ANO6: variants seen among roughly 807,000 people sequenced by gnomAD.
ANO6 encodes the protein anoctamin 6.
Under a neutral mutation model 117.5 loss-of-function variants are expected in ANO6, and 106 were observed. The observed-to-expected ratio is 0.90, with a 90% CI of 0.77 to 1.06. The LOEUF is 1.06. Among genes scored for constraint, ANO6 ranks in the 50% least tolerant of loss-of-function variants. The probability of loss-of-function intolerance (pLI) is 0.00; values close to 1 mark genes in which losing one functional copy is unlikely to be tolerated. For synonymous variants in ANO6, 367 were observed against 385.1 expected (o/e 0.95, Z 0.55); for missense variants, 955 against 1,121.1 (o/e 0.85, Z 2.12).
Position 45,359,080 on chromosome 12 carries a change from G to A in ANO6, c.998+1656G>A, listed in dbSNP as rs1245635213. On this transcript the variant is annotated intron_variant, in intron 8 of 19. Coordinates refer to ENST00000320560, the MANE Select transcript of ANO6 (RefSeq NM_001025356.3). ...ATTACAGGCGTGAGCCACTGTGCCCGGTCCTTATGCCCCCTTTTAAAAATA... is the reference window on the plus strand; with the variant it reads ...ATTACAGGCGTGAGCCACTGTGCCCAGTCCTTATGCCCCCTTTTAAAAATA... Among the ~76,000 whole-genome samples the A allele has an allele frequency of 5.3e-5, 8 of 152,210 alleles. No individual in the cohort carries two copies. The East Asian group carries it at 9.7e-4, about 18-fold the overall frequency.
chr12:45,262,668 C>T (rs1938079423), intron 1 of ANO6, among the ~76,000 whole-genome samples: 1 of 152,168 alleles, frequency 6.6e-6, no homozygotes, highest in Admixed American at 6.5e-5. Flanking sequence ...AGGTGATCTG[C>T]CCGGCTCGGC....
In ANO6 at chr12:45,378,126, T is replaced by G; in HGVS notation, c.1165+13T>G. The G allele has an allele frequency of 6.2e-7, 1 of 1,608,070 alleles. No homozygotes were observed. Among genetic ancestry groups the G allele is most frequent in the Non-Finnish European group, 8.5e-7 (1 of 1,178,044 alleles). On this transcript the variant is annotated intron_variant, in intron 10 of 19. Coordinates refer to ENST00000320560, the MANE Select transcript of ANO6 (RefSeq NM_001025356.3). ...ATGGGAGTATGGGGTAAGTTTTTTT[T>G]TTTTTTTTCATGCACTCAATTTGAT...
intron 9 of ANO6, among the ~76,000 whole-genome samples, chr12:45,377,298 G>A (rs12313889): frequency 0.014 from 2,071 of 151,992 alleles, 49 homozygotes; most frequent in African/African-American, 0.048. Context: ...AATTAGTAAC[G>A]AATTAAAATA....
intron 3 of ANO6, among the ~76,000 whole-genome samples, chr12:45,338,237 G>T (rs1940882132): frequency 6.6e-6 from 1 of 152,046 alleles, no homozygotes; most frequent in African/African-American, 2.4e-5. Context: ...TGGTAGGAAA[G>T]ATCCTCCTGA....
chr12:45,219,937 G>T (rs1947371364), intron 1 of ANO6, among the ~76,000 whole-genome samples: 1 of 152,254 alleles, frequency 6.6e-6, no homozygotes, highest in East Asian at 1.9e-4. Flanking sequence ...ATCACATATT[G>T]TTGCAAGCCC....
Position 45,409,581 on chromosome 12 carries a change from G to C in ANO6, c.2011+94G>C, listed in dbSNP as rs1288293829. On this transcript the variant is annotated intron_variant, in intron 16 of 19. Coordinates refer to ENST00000320560, the MANE Select transcript of ANO6 (RefSeq NM_001025356.3). Reference sequence around the variant, plus strand: ...TGTTATTGAGCCATATTAACATTTAGCATATTGAAATGAAGAAGAGTATGT... The same window carrying C: ...TGTTATTGAGCCATATTAACATTTACCATATTGAAATGAAGAAGAGTATGT... 4.3e-6 allele frequency: 6 copies of C among 1,410,956 alleles called. No individual in the cohort carries two copies. In the East Asian group the frequency reaches 1.4e-4, roughly 33 times the overall value. The allele number at this position is 1,410,956 out of a possible 1,614,324, so 87.4% of individuals were successfully genotyped here. A position where few individuals can be genotyped will look rare whatever the true frequency, so the allele number is the denominator to read the frequency against.
At chr12:45,416,200 CAG>C (rs1036691120) in intron 16 of ANO6, among the ~76,000 whole-genome samples, 3 of 152,206 alleles carry the variant, frequency 2.0e-5, no homozygotes, top group Admixed American at 6.5e-5. Context: ...TTTGCAGACT[CAG>C]GGGAGCTCAC....
intron 1 of ANO6, among the ~76,000 whole-genome samples, chr12:45,222,661 C>T (rs540652262): frequency 6.6e-6 from 1 of 152,308 alleles, no homozygotes; most frequent in South Asian, 2.1e-4. Context: ...CCTATTTTTA[C>T]CTTTGTCTCT....
intron 7 of ANO6, among the ~76,000 whole-genome samples, chr12:45,354,796 T>C (rs1941369196): frequency 6.6e-6 from 1 of 152,242 alleles, no homozygotes; most frequent in South Asian, 2.1e-4. Flanking sequence ...CAGCTGTGAA[T>C]AGTGTTTATA....
At chr12:45,361,674 G>A (rs1941559112) in intron 8 of ANO6, among the ~76,000 whole-genome samples, 1 of 152,046 alleles carries the variant, frequency 6.6e-6, no homozygotes, top group African/African-American at 2.4e-5. Flanking sequence ...TCTATTCCTA[G>A]TTTATGAGTG....
rs1407190420 is a variant in ANO6, at chr12:45,401,715, G to C, written c.1387-80G>C. The C allele has an allele frequency of 2.7e-6, 3 of 1,120,294 alleles. No homozygotes were observed. The African/African-American group carries it at 4.6e-5, about 17-fold the overall frequency. The allele number at this position is 1,120,294 out of a possible 1,614,324, so 69.4% of individuals were successfully genotyped here. The stretch of plus-strand genomic sequence containing the variant: ...TTACATCACTTTACACACACACCTT[G>C]TTAAGTGTGAGTTCAGTTTTTAATA... On this transcript the variant is annotated intron_variant, in intron 12 of 19. Transcript: ENST00000320560.
chr12:45,373,180 C>A (rs1045666074), intron 9 of ANO6, among the ~76,000 whole-genome samples: 1 of 152,168 alleles, frequency 6.6e-6, no homozygotes, highest in African/African-American at 2.4e-5. Context: ...AATATATATG[C>A]ACCCAGTACA....
At chr12:45,412,678 AG>A (rs1276633886) in intron 16 of ANO6, among the ~76,000 whole-genome samples, 4 of 152,186 alleles carry the variant, frequency 2.6e-5, no homozygotes, top group African/African-American at 9.7e-5. Flanking sequence ...GAGGATTTGC[AG>A]TCCTCCAGCT....
chr12:45,267,360 C>A lies in ANO6; in HGVS notation c.71-34654C>A, dbSNP rs560816139. ...GTCTGATTGGATTAGGGCACACTCT[C>A]ACACTCTCATTTTCAACTTAATCAC... On this transcript the variant is annotated intron_variant, in intron 1 of 19. Coordinates refer to ENST00000320560, the MANE Select transcript of ANO6 (RefSeq NM_001025356.3). 5.9e-5 allele frequency among the ~76,000 whole-genome samples: 9 copies of A among 152,312 alleles called. No homozygotes were observed. The East Asian group carries it at 1.5e-3, about 26-fold the overall frequency.
At chr12:45,372,249 A>G (rs1161786629) in intron 9 of ANO6, among the ~76,000 whole-genome samples, 1,848 of 147,258 alleles carry the variant, frequency 0.013, 20 homozygotes, top group South Asian at 0.023. Context: ...TGTACCTGAA[A>G]GTGATGGGGA....
intron 1 of ANO6, among the ~76,000 whole-genome samples, chr12:45,232,745 C>G (rs1356796957): frequency 6.6e-6 from 1 of 152,174 alleles, no homozygotes; most frequent in Non-Finnish European, 1.5e-5. Flanking sequence ...GCTAGTGGTT[C>G]CAGTGCCCCT....
intron 2 of ANO6, among the ~76,000 whole-genome samples, chr12:45,309,879 C>T (rs1481586387): frequency 6.6e-6 from 1 of 151,898 alleles, no homozygotes; most frequent in African/African-American, 2.4e-5. Flanking sequence ...AGAAACTCAA[C>T]CAAAAAAGAA....
chr12:45,265,002 C>T (rs1209738412), intron 1 of ANO6, among the ~76,000 whole-genome samples: 1 of 152,118 alleles, frequency 6.6e-6, no homozygotes, highest in Non-Finnish European at 1.5e-5. Flanking sequence ...AGTTATCAGG[C>T]TCTGTCATTT....
chr12:45,269,768 C>T lies in ANO6; in HGVS notation c.71-32246C>T, dbSNP rs544854873. ...GGCATTTCCCACTGGTTGATGCACA[C>T]AGCCATGTGTGGTACAGTCCCGTTT... On this transcript the variant is annotated intron_variant, in intron 1 of 19. Transcript: ENST00000320560. 2.6e-4 allele frequency among the ~76,000 whole-genome samples: 40 copies of T among 152,350 alleles called. No homozygotes were observed. In the South Asian group the frequency reaches 7.7e-3, roughly 29 times the overall value.
Sources: allele counts gnomAD v4.1 joint callset (sites outside exome capture counted in the v4.1 genomes callset), GRCh38; gene constraint gnomAD v4.1.1; transcripts MANE v1.5; gene names NCBI Gene and HGNC (gene_info 2026-07-23, HGNC 2026-07-21).